IL15RA: variants seen among roughly 807,000 people sequenced by gnomAD.
IL15RA encodes interleukin 15 receptor subunit alpha, also known as interleukin-15 receptor subunit alpha.
IL15RA carries 26 observed loss-of-function variants against 24.2 expected under a neutral mutation model. That is an observed-to-expected ratio of 1.07 (90% confidence interval 0.79 to 1.49). The LOEUF (loss-of-function observed/expected upper bound fraction) is 1.49, where lower values mean the gene tolerates loss of function less well. IL15RA is among the 40% of genes most tolerant of loss of function. IL15RA has a pLI of 0.00. For synonymous variants in IL15RA, 166 were observed against 157.6 expected (o/e 1.05, Z -0.40); for missense variants, 354 against 356.4 (o/e 0.99, Z 0.05).
At chr10:5,949,196 T>C (rs1360431905), downstream of IL15RA, 1 of 471,046 alleles carries the variant, frequency 2.1e-6, no homozygotes, top group African/African-American at 2.0e-5. The surrounding 1 kb of genome is among the most constrained non-coding windows in gnomAD (Gnocchi z 4.4). Flanking sequence ...AGGAGGAGCC[T>C]TGTAATTGAC....
At chr10:5,974,651 C>T (rs1370071193) in intron 1 of IL15RA, among the ~76,000 whole-genome samples, 2 of 152,076 alleles carry the variant, frequency 1.3e-5, no homozygotes, top group African/African-American at 4.8e-5. Flanking sequence ...CCAAAGCAGG[C>T]AGATCCCCTG....
Position 5,963,515 on chromosome 10 carries a change from T to C in IL15RA, c.382+228A>G, listed in dbSNP as rs184694984. ...ATTTGATATGACATATTAGTGAGTT[T>C]TAAACCACTATTAATTCTGCACATA... On this transcript the variant is annotated intron_variant, in intron 3 of 6. Coordinates refer to ENST00000379977, the MANE Select transcript of IL15RA (RefSeq NM_002189.4). The surrounding 1 kb of genome is among the most constrained non-coding windows in gnomAD (Gnocchi z 5.3). Among the ~76,000 whole-genome samples, 2 of 152,356 alleles carry C rather than the reference T, an allele frequency of 1.3e-5. No individual in the cohort carries two copies. Among genetic ancestry groups the C allele is most frequent in the Admixed American group, 1.3e-4 (2 of 15,294 alleles).
rs1336905343 is a variant in IL15RA at position 5,973,374 on chromosome 10, C to T, written c.88+4031G>A. On this transcript the variant is annotated intron_variant, in intron 1 of 6. Coordinates refer to ENST00000379977, the MANE Select transcript of IL15RA (RefSeq NM_002189.4). This position sits in a 1 kb window ranked among gnomAD's most constrained non-coding sequence, Gnocchi z 4.5. ...TTTCACATCTTTTGTTAGATTTATC[C>T]GTAAGTATCTAATGCTTTTTAATGT... 2.0e-5 allele frequency among the ~76,000 whole-genome samples: 3 copies of T among 152,114 alleles called. No individual in the cohort carries two copies. The highest frequency in any genetic ancestry group is 1.9e-4 in the East Asian group (1 of 5,200).
In IL15RA at chr10:5,956,439, G is replaced by A. The variant is rs755599023; in HGVS notation, c.632C>T (p.Ser211Phe). The A allele has an allele frequency of 2.5e-6, 4 of 1,613,878 alleles. No individual in the cohort carries two copies. Among genetic ancestry groups the A allele is most frequent in the Non-Finnish European group, 3.4e-6 (4 of 1,179,850 alleles). ...GCTCAGCCCACACAGCAGGACAGTG[G>A]ACGTGGAGATAGCCACTGAAAGGGA... The part of the protein sequence containing the change: ...HSDTTVAIST[S>F]TVLLCGLSAV... The change falls in exon 6 of 7, where the codon TCC (serine) becomes TTC (phenylalanine). Residue 211 changes from serine to phenylalanine, a missense_variant. Coordinates refer to ENST00000379977, the MANE Select transcript of IL15RA (RefSeq NM_002189.4).
chr10:5,961,023 C>T lies in IL15RA; in HGVS notation c.383-456G>A, dbSNP rs573676190. On this transcript the variant is annotated intron_variant, in intron 3 of 6. Transcript: ENST00000379977. This position sits in a 1 kb window ranked among gnomAD's most constrained non-coding sequence, Gnocchi z 5.2. ...CTGCCTTCCGGGTTCAGGCAATTCT[C>T]CCTGCCTCAGCCTCCCAAGTAGCTG... 3.3e-5 allele frequency among the ~76,000 whole-genome samples: 5 copies of T among 152,238 alleles called. 1 individual carries two copies. Among genetic ancestry groups the T allele is most frequent in the Admixed American group, 2.0e-4 (3 of 15,288 alleles).
intron 1 of IL15RA, chr10:5,976,899 CT>C (rs1838546932): frequency 6.5e-6 from 1 of 152,894 alleles, no homozygotes; most frequent in East Asian, 1.9e-4. Context: ...GCGTTTCCCC[CT>C]GGGACACAGC....
chr10:5,952,297 A>T (rs1156633243), downstream of IL15RA: 1 of 152,454 alleles, frequency 6.6e-6, no homozygotes, highest in East Asian at 1.9e-4. Flanking sequence ...ACCTGAACTC[A>T]GTCACCTTGG....
rs1834403250 is a variant in IL15RA at position 5,955,608 on chromosome 10, A to T, written c.692+771T>A. On this transcript the variant is annotated intron_variant, in intron 6 of 6. Transcript: ENST00000379977. This position sits in a 1 kb window ranked among gnomAD's most constrained non-coding sequence, Gnocchi z 5.3. Reference sequence around the variant, plus strand: ...AGAATAATAATACTGCCTAAAGATTAAAAAAATGAGAAAAATTAAAAAAGT... The same window carrying T: ...AGAATAATAATACTGCCTAAAGATTTAAAAAATGAGAAAAATTAAAAAAGT... Among the ~76,000 whole-genome samples, 1 of 152,152 alleles carries T rather than the reference A, an allele frequency of 6.6e-6. No individual in the cohort carries two copies. Among genetic ancestry groups the T allele is most frequent in the Admixed American group, 6.5e-5 (1 of 15,272 alleles).
Position 5,959,464 on chromosome 10 carries a change from C to T in IL15RA, c.616+290G>A, listed in dbSNP as rs994101176. On this transcript the variant is annotated intron_variant, in intron 5 of 6. Coordinates refer to ENST00000379977, the MANE Select transcript of IL15RA (RefSeq NM_002189.4). The surrounding 1 kb of genome is among the most constrained non-coding windows in gnomAD (Gnocchi z 4.1). ...ATGCTCCATGCAAAAGAGGTGCACC[C>T]TGCTGTGAAGAGCTGACCTTGAGCC... 6.6e-6 allele frequency among the ~76,000 whole-genome samples: 1 copy of T among 152,222 alleles called. No individual in the cohort carries two copies. Among genetic ancestry groups the T allele is most frequent in the Non-Finnish European group, 1.5e-5 (1 of 68,030 alleles).
chr10:5,959,173 T>C lies in IL15RA; in HGVS notation c.616+581A>G, dbSNP rs866565651. ...AACTTTTTTTCTTTTTCTTTTTCTT[T>C]TTTTTTTTTTTTAATAGAGATGGGG... On this transcript the variant is annotated intron_variant, in intron 5 of 6. Coordinates refer to ENST00000379977, the MANE Select transcript of IL15RA (RefSeq NM_002189.4). The surrounding 1 kb of genome is among the most constrained non-coding windows in gnomAD (Gnocchi z 4.1). 3.3e-5 allele frequency among the ~76,000 whole-genome samples: 5 copies of C among 150,028 alleles called. No individual in the cohort carries two copies. Among genetic ancestry groups the C allele is most frequent in the Admixed American group, 6.7e-5 (1 of 14,976 alleles).
Position 5,958,435 on chromosome 10 carries a change from G to A in IL15RA, c.616+1319C>T. 2.9e-6 allele frequency: 1 copy of A among 346,106 alleles called. No individual in the cohort carries two copies. The highest frequency in any genetic ancestry group is 2.2e-5 in the South Asian group (1 of 46,086). The allele number at this position is 346,106 out of a possible 1,614,324, so 21.4% of individuals were successfully genotyped here. Reference sequence around the variant, plus strand: ...GGGTCCTGTCCTGTTGCCCAGGCCAGAGTGCAGTGGTGTGATCACAGCTCA... The same window carrying A: ...GGGTCCTGTCCTGTTGCCCAGGCCAAAGTGCAGTGGTGTGATCACAGCTCA... On this transcript the variant is annotated intron_variant, in intron 5 of 6. Coordinates refer to ENST00000379977, the MANE Select transcript of IL15RA (RefSeq NM_002189.4). This position sits in a 1 kb window ranked among gnomAD's most constrained non-coding sequence, Gnocchi z 4.3.
Position 5,963,697 on chromosome 10 carries a change from T to C in IL15RA, c.382+46A>G, listed in dbSNP as rs773405833. 8.0e-7 allele frequency: 1 copy of C among 1,256,364 alleles called. No homozygotes were observed. Among genetic ancestry groups the C allele is most frequent in the Non-Finnish European group, 1.1e-6 (1 of 922,004 alleles). The allele number at this position is 1,256,364 out of a possible 1,614,324, so 77.8% of individuals were successfully genotyped here. A position where few individuals can be genotyped will look rare whatever the true frequency, so the allele number is the denominator to read the frequency against. ...CAGGATTGGTGAGCGGGCCTCTGGG[T>C]GTTGGGAGGGAATGAATGTCCTCGA... On this transcript the variant is annotated intron_variant, in intron 3 of 6. Coordinates refer to ENST00000379977, the MANE Select transcript of IL15RA (RefSeq NM_002189.4). The surrounding 1 kb of genome is among the most constrained non-coding windows in gnomAD (Gnocchi z 5.3).
In IL15RA at chr10:5,970,243, C is replaced by T. The variant is rs1164683810; in HGVS notation, c.89-3904G>A. 1.3e-5 allele frequency among the ~76,000 whole-genome samples: 2 copies of T among 152,170 alleles called. No homozygotes were observed. The highest frequency in any genetic ancestry group is 2.9e-5 in the Non-Finnish European group (2 of 68,038). ...CAGTTTTCCTTCCGGTGATGTTATA[C>T]CACCACATACATATCCTGTAAAGAT... On this transcript the variant is annotated intron_variant, in intron 1 of 6. Coordinates refer to ENST00000379977, the MANE Select transcript of IL15RA (RefSeq NM_002189.4). The surrounding 1 kb of genome is among the most constrained non-coding windows in gnomAD (Gnocchi z 4.1).
Position 5,965,084 on chromosome 10 carries a change from C to A in IL15RA, c.283+1061G>T, listed in dbSNP as rs535409962. Among the ~76,000 whole-genome samples, 1 of 152,312 alleles carries A rather than the reference C, an allele frequency of 6.6e-6. No homozygotes were observed. Among genetic ancestry groups the A allele is most frequent in the East Asian group, 1.9e-4 (1 of 5,184 alleles). ...GCTATGGGGCCGCTCCATGCAGGGG[C>A]GCGCTCATCCCTGCCCCAGAGATGA... is the stretch of plus-strand genomic sequence containing the variant. On this transcript the variant is annotated intron_variant, in intron 2 of 6. Transcript: ENST00000379977. This position sits in a 1 kb window ranked among gnomAD's most constrained non-coding sequence, Gnocchi z 5.8.
At chr10:5,977,357 G>A (rs1288803542) in intron 1 of IL15RA, 48 bp downstream of exon 1, 2 of 938,702 alleles carry the variant, frequency 2.1e-6, no homozygotes, top group Non-Finnish European at 2.8e-6. Flanking sequence ...TCCACGTCCC[G>A]GCCCCCTTCC....
downstream of IL15RA, among the ~76,000 whole-genome samples, chr10:5,951,771 G>C (rs927243301): frequency 6.6e-6 from 1 of 152,150 alleles, no homozygotes; most frequent in African/African-American, 2.4e-5. Flanking sequence ...GCTGCAGTGA[G>C]CTGAGATCTC....
rs1835859877 is a variant in IL15RA at position 5,962,992 on chromosome 10, C to A, written c.382+751G>T. Among the ~76,000 whole-genome samples the A allele has an allele frequency of 6.6e-6, 1 of 152,220 alleles. No homozygotes were observed. Among genetic ancestry groups the A allele is most frequent in the Non-Finnish European group, 1.5e-5 (1 of 68,036 alleles). On this transcript the variant is annotated intron_variant, in intron 3 of 6. Coordinates refer to ENST00000379977, the MANE Select transcript of IL15RA (RefSeq NM_002189.4). This position sits in a 1 kb window ranked among gnomAD's most constrained non-coding sequence, Gnocchi z 5.2. Reference sequence around the variant, plus strand: ...AACACAGGACACTGGCAGCTTCAGGCAGCGCCTCTATAATAGAGCAGTCAC... The same window carrying A: ...AACACAGGACACTGGCAGCTTCAGGAAGCGCCTCTATAATAGAGCAGTCAC...
In IL15RA at chr10:5,963,343, G is replaced by A. The variant is rs1216821017; in HGVS notation, c.382+400C>T. On this transcript the variant is annotated intron_variant, in intron 3 of 6. Transcript: ENST00000379977. The surrounding 1 kb of genome is among the most constrained non-coding windows in gnomAD (Gnocchi z 5.3). ...GGGACGAGGGAATTGATGTAAACAT[G>A]CTGAAGCTCCCGCTGCCTGCTGGCC... is the stretch of plus-strand genomic sequence containing the variant. 2.0e-5 allele frequency among the ~76,000 whole-genome samples: 3 copies of A among 152,202 alleles called. No individual in the cohort carries two copies. The highest frequency in any genetic ancestry group is 4.8e-5 in the African/African-American group (2 of 41,448).
At position 5,960,495 on chromosome 10, in the gene IL15RA, A is replaced by C. The variant is rs751768511; in HGVS notation, c.455T>G (p.Leu152Arg). ...TGTGGAAGGTGATTTTGAAGGCATC[A>C]GCTGGGAGCCCGGGACAATAGCTGC... Reference protein sequence around the residue: ...TTAAIVPGSQLMPSKSPSTGT... With the variant: ...TTAAIVPGSQRMPSKSPSTGT... The change falls in exon 4 of 7, where the codon CTG becomes CGG. Residue 152 changes from leucine (L) to arginine (R), a missense_variant. Coordinates refer to ENST00000379977, the MANE Select transcript of IL15RA (RefSeq NM_002189.4). This position sits in a 1 kb window ranked among gnomAD's most constrained non-coding sequence, Gnocchi z 5.1. 3.2e-5 allele frequency: 51 copies of C among 1,614,038 alleles called. No individual in the cohort carries two copies. The Middle Eastern group carries it at 6.6e-4, about 21-fold the overall frequency.
Sources: gnomAD v4.1 joint callset for allele counts (sites outside exome capture counted in the v4.1 genomes callset) on GRCh38, gnomAD v4.1.1 for gene constraint, Gnocchi (gnomAD v3.1) non-coding constraint, MANE v1.5 for transcripts, NCBI Gene and HGNC (gene_info 2026-07-23, HGNC 2026-07-21) for gene names.